The following LPAR6 variants were observed in gnomAD, a reference collection of about 807,000 sequenced individuals.
LPAR6 encodes lysophosphatidic acid receptor 6, also known as G-protein coupled purinergic receptor P2Y5.
A neutral mutation model predicts 22.0 loss-of-function variants in LPAR6; 17 were observed. The ratio of observed to expected loss-of-function variants is 0.77; its 90% CI spans 0.53 to 1.16. The LOEUF (loss-of-function observed/expected upper bound fraction) is 1.16, where lower values mean the gene tolerates loss of function less well. LPAR6 is among the 50% of genes most tolerant of loss of function. The pLI is 0.00. For missense variants in LPAR6, 384 were observed against 406.9 expected, an observed-to-expected ratio of 0.94 and a Z score of 0.48; for synonymous variants, 136 against 139.8, an observed-to-expected ratio of 0.97 and a Z score of 0.19.
intron 2 of LPAR6, among the ~76,000 whole-genome samples, chr13:48,420,181 A>T (rs1330868025): frequency 3.9e-5 from 6 of 152,252 alleles, no homozygotes; most frequent in Non-Finnish European, 8.8e-5. Flanking sequence ...CAAAAAGCTT[A>T]TCCACCACAA....
intron 1 of LPAR6, among the ~76,000 whole-genome samples, chr13:48,394,728 G>C (rs936968547): frequency 3.3e-5 from 5 of 152,246 alleles, no homozygotes; most frequent in Non-Finnish European, 2.9e-5. Context: ...ATCTCTGAAA[G>C]AAAGGCAGCA....
At position 48,412,343 on chromosome 13, in the gene LPAR6, C is replaced by T; in HGVS notation, c.81G>A (p.Val27=). The T allele has an allele frequency of 6.2e-7, 1 of 1,613,620 alleles. No individual in the cohort carries two copies. The highest frequency in any genetic ancestry group is 8.5e-7 in the Non-Finnish European group (1 of 1,179,582). The change falls in exon 1 of 1, where the codon GTG becomes GTA. Residue 27 remains valine, a synonymous_variant. Coordinates refer to ENST00000620633, the MANE Select transcript of LPAR6 (RefSeq NM_001162498.3). Reference sequence around the variant, plus strand: ...AATTGGATATTAACCCAAGCACAAACACCATGCTGAACATGCACCCATACA... The same window carrying T: ...AATTGGATATTAACCCAAGCACAAATACCATGCTGAACATGCACCCATACA... ...YTLYGCMFSM[V]FVLGLISNCV... is the part of the protein sequence containing the mutation.
rs929602854 is a variant in LPAR6, at chr13:48,433,216, A to AT, written c.-1473-9098dup. 2.4e-4 allele frequency among the ~76,000 whole-genome samples: 36 copies of AT among 151,424 alleles called. No individual in the cohort carries two copies. In the East Asian group the frequency reaches 6.4e-3, roughly 27 times the overall value. ...TAGAAATAGATTCTTTTAGACGTTA[A>AT]TTTTTTTTTCAAAAAGATACATATG... is the stretch of plus-strand genomic sequence containing the variant. On this transcript the variant is annotated intron_variant, in intron 1 of 6. Coordinates refer to the LPAR6 transcript ENST00000378434.
chr13:48,411,977 T>C lies in LPAR6; in HGVS notation c.447A>G (p.Ala149=). The C allele has an allele frequency of 6.4e-7, 1 of 1,567,650 alleles. No individual in the cohort carries two copies. Among genetic ancestry groups the C allele is most frequent in the Non-Finnish European group, 8.6e-7 (1 of 1,160,250 alleles). The change falls in exon 1 of 1, where the codon GCA becomes GCG. Residue 149 remains alanine, a synonymous_variant. Transcript: ENST00000620633. The part of the protein sequence containing the change: ...GVWLTVIGGS[A]PAVFVQSTHS... ...GGGTAGACTGAACAAAAACGGCGGG[T>C]GCACTTCCTCCGATCACAGTTAACC...
intron 1 of LPAR6, chr13:48,391,343 C>G (rs1823135896): frequency 6.6e-6 from 1 of 152,174 alleles, no homozygotes; most frequent in African/African-American, 2.4e-5. Flanking sequence ...CCAATTATCT[C>G]TTAAAGAGAA....
At chr13:48,406,307 C>A (rs1001164200), downstream of LPAR6, among the ~76,000 whole-genome samples, 1 of 152,058 alleles carries the variant, frequency 6.6e-6, no homozygotes, top group Non-Finnish European at 1.5e-5. Context: ...TTCTCCATGA[C>A]GGCCACTGTC....
chr13:48,412,617 T>C lies in LPAR6; in HGVS notation c.-194A>G. ...AAATTTGTTGCTGTAAAATTTCCGC[T>C]GGGTTCTTCAACAGGAAAATATTTT... On this transcript the variant is annotated 5_prime_UTR_variant, in exon 1 of 1. Transcript: ENST00000620633. 1 of 614,672 alleles carries C rather than the reference T, an allele frequency of 1.6e-6. No individual in the cohort carries two copies. The highest frequency in any genetic ancestry group is 3.0e-6 in the Non-Finnish European group (1 of 338,148). 38.1% of individuals were successfully genotyped at this position (614,672 alleles called of 1,614,324 possible). A position where few individuals can be genotyped will look rare whatever the true frequency, so the allele number is the denominator to read the frequency against.
At chr13:48,443,709 T>A (rs940256588) in intron 1 of LPAR6, among the ~76,000 whole-genome samples, 1 of 152,358 alleles carries the variant, frequency 6.6e-6, no homozygotes, top group Admixed American at 6.5e-5. Flanking sequence ...CATTTCATAC[T>A]AAGATTGTGC....
upstream of LPAR6, among the ~76,000 whole-genome samples, chr13:48,415,192 T>C (rs991842587): frequency 2.6e-5 from 4 of 152,184 alleles, no homozygotes; most frequent in African/African-American, 9.6e-5. Context: ...TTAATTCTAC[T>C]TGGAATATTT....
At chr13:48,406,345 A>G (rs1018255207), downstream of LPAR6, among the ~76,000 whole-genome samples, 1 of 152,220 alleles carries the variant, frequency 6.6e-6, no homozygotes, top group Admixed American at 6.5e-5. Context: ...TGACATTAAA[A>G]TATTCTTCTC....
At chr13:48,399,465 A>C (rs1948674244) in intron 1 of LPAR6, among the ~76,000 whole-genome samples, 1 of 152,070 alleles carries the variant, frequency 6.6e-6, no homozygotes, top group Non-Finnish European at 1.5e-5. Context: ...TCATATGAAT[A>C]ATCATCCACT....
chr13:48,404,674 G>A (rs928187193), intron 1 of LPAR6, among the ~76,000 whole-genome samples: 2 of 151,958 alleles, frequency 1.3e-5, no homozygotes, highest in Admixed American at 6.6e-5. Flanking sequence ...TTACAGGCAC[G>A]AGACAACGCG....
At chr13:48,405,652 A>G (rs1479917684) in intron 1 of LPAR6, among the ~76,000 whole-genome samples, 1 of 152,194 alleles carries the variant, frequency 6.6e-6, no homozygotes, top group African/African-American at 2.4e-5. Context: ...AATATTTACT[A>G]TCTACTCCTT....
rs763842272 is a variant in LPAR6, at chr13:48,411,864, A to G, written c.560T>C (p.Phe187Ser). The change falls in exon 1 of 1, where the codon TTC becomes TCC. Residue 187 changes from phenylalanine (F) to serine (S), a missense_variant. By Grantham distance (155) the Phe-to-Ser change is radical (BLOSUM62 -2). Transcript: ENST00000620633. ...AATAAAAAATCCCACTATTTCGATG[A>G]AAATTACAATCCTTGAGAGATATGT... ...WKTYLSRIVI[F>S]IEIVGFFIPL... 1 of 1,613,964 alleles carries G rather than the reference A, an allele frequency of 6.2e-7. No homozygotes were observed. Among genetic ancestry groups the G allele is most frequent in the Non-Finnish European group, 8.5e-7 (1 of 1,179,890 alleles).
intron 1 of LPAR6, chr13:48,401,358 A>G (rs1948690190): frequency 6.6e-6 from 1 of 152,180 alleles, no homozygotes; most frequent in South Asian, 2.1e-4. Flanking sequence ...GCAAGAAACA[A>G]AGAAGAGAAA....
At chr13:48,436,433 A>G (rs1316580603) in intron 1 of LPAR6, among the ~76,000 whole-genome samples, 1 of 152,210 alleles carries the variant, frequency 6.6e-6, no homozygotes, top group Non-Finnish European at 1.5e-5. Context: ...ACCTGCGGTC[A>G]GAAGTTCGAG....
At chr13:48,436,540 G>T (rs1038493975) in intron 1 of LPAR6, among the ~76,000 whole-genome samples, 2 of 152,068 alleles carry the variant, frequency 1.3e-5, no homozygotes, top group African/African-American at 2.4e-5. Flanking sequence ...CTACTCGGGA[G>T]GCTGAGGCAG....
chr13:48,403,806 A>G (rs1347363237), intron 1 of LPAR6, among the ~76,000 whole-genome samples: 1 of 152,092 alleles, frequency 6.6e-6, no homozygotes, highest in East Asian at 1.9e-4. Flanking sequence ...ACATTTTAAG[A>G]ACATGAAACA....
At chr13:48,432,889 A>T (rs764719058) in intron 1 of LPAR6, among the ~76,000 whole-genome samples, 6 of 152,154 alleles carry the variant, frequency 3.9e-5, no homozygotes, top group Middle Eastern at 3.2e-3. Context: ...TACAACTCTA[A>T]TAAATCTGCT....
Sources: gnomAD v4.1 joint callset for allele counts (sites outside exome capture counted in the v4.1 genomes callset) on GRCh38, gnomAD v4.1.1 for gene constraint, MANE v1.5 for transcripts, NCBI Gene and HGNC (gene_info 2026-07-23, HGNC 2026-07-21) for gene names.